The following GALNT13 variants were observed in gnomAD, a reference collection of about 807,000 sequenced individuals.
The protein encoded by GALNT13 is UDP-GalNAc:polypeptide N-acetylgalactosaminyltransferase 13.
Under a neutral mutation model 64.2 loss-of-function variants are expected in GALNT13, and 28 were observed. The observed-to-expected ratio is 0.44, with a 90% CI of 0.32 to 0.60. GALNT13 has a LOEUF of 0.60. GALNT13 is among the 20% of genes least tolerant of loss of function. The probability of loss-of-function intolerance (pLI) is 0.05; values close to 1 mark genes in which losing one functional copy is unlikely to be tolerated. For missense variants in GALNT13, 577 were observed against 669.8 expected (o/e 0.86, Z 1.53); for synonymous variants, 214 against 224.6 (o/e 0.95, Z 0.42).
chr2:153,876,498 TG>T (rs1446911544), intron 1 of GALNT13, among the ~76,000 whole-genome samples: 2 of 152,168 alleles, frequency 1.3e-5, no homozygotes, highest in Non-Finnish European at 1.5e-5. Flanking sequence ...GTCATCCGTT[TG>T]GGGCATTATA....
chr2:153,154,551 C>A, the GALNT13 span, among the ~76,000 whole-genome samples: 2 of 152,038 alleles, frequency 1.3e-5, no homozygotes, highest in African/African-American at 4.8e-5. Flanking sequence ...CTTGGCTTCA[C>A]TATTGTTGGT....
At chr2:154,160,821 C>T (rs1297252798) in intron 4 of GALNT13, among the ~76,000 whole-genome samples, 1 of 152,190 alleles carries the variant, frequency 6.6e-6, no homozygotes, top group African/African-American at 2.4e-5. Flanking sequence ...AATTCCCTTA[C>T]TTCATTGAAC....
the GALNT13 span, among the ~76,000 whole-genome samples, chr2:153,255,344 A>C: frequency 2.9e-5 from 4 of 137,350 alleles, no homozygotes; most frequent in Non-Finnish European, 6.2e-5. Context: ...CCATCCTTTT[A>C]TTTTGAGCCT....
At chr2:154,315,635 T>C (rs1489493976) in intron 9 of GALNT13, among the ~76,000 whole-genome samples, 1 of 152,204 alleles carries the variant, frequency 6.6e-6, no homozygotes, top group Non-Finnish European at 1.5e-5. Flanking sequence ...TAGGTACTAA[T>C]TGTATATTAA....
the GALNT13 span, among the ~76,000 whole-genome samples, chr2:153,433,447 G>A: frequency 1.3e-5 from 2 of 151,666 alleles, no homozygotes. Context: ...TCTTATCCTG[G>A]TGTCATTATT....
At chr2:154,441,113 C>T (rs1403217349) in intron 12 of GALNT13, among the ~76,000 whole-genome samples, 1 of 152,076 alleles carries the variant, frequency 6.6e-6, no homozygotes, top group Non-Finnish European at 1.5e-5. Flanking sequence ...CATTCATATA[C>T]ATATTTACAT....
At chr2:153,502,233 C>T in the GALNT13 span, among the ~76,000 whole-genome samples, 1 of 152,304 alleles carries the variant, frequency 6.6e-6, no homozygotes, top group South Asian at 2.1e-4. Context: ...TTTTATCCCT[C>T]ACCCAACTCC....
the GALNT13 span, among the ~76,000 whole-genome samples, chr2:153,223,733 G>T: frequency 6.6e-6 from 1 of 152,034 alleles, no homozygotes; most frequent in African/African-American, 2.4e-5. Flanking sequence ...CTGAAGCTGG[G>T]GGATCACTTG....
intron 11 of GALNT13, 117 bp from the exon 12 acceptor site, chr2:154,438,475 C>A (rs1444354174): frequency 3.1e-6 from 2 of 644,124 alleles, no homozygotes; most frequent in Admixed American, 3.0e-5. Flanking sequence ...AGATAACATA[C>A]CAGCAATCGT....
intron 9 of GALNT13, among the ~76,000 whole-genome samples, chr2:154,367,756 A>G (rs564059454): frequency 2.0e-5 from 3 of 152,300 alleles, no homozygotes; most frequent in Non-Finnish European, 4.4e-5. Flanking sequence ...CAATTTCTCT[A>G]TTGATAAAGA....
At chr2:153,797,441 C>T in the GALNT13 span, among the ~76,000 whole-genome samples, 1 of 152,162 alleles carries the variant, frequency 6.6e-6, no homozygotes, top group Non-Finnish European at 1.5e-5. Context: ...ATAACATTCA[C>T]TTTATATGGG....
At chr2:153,753,825 G>A in the GALNT13 span, among the ~76,000 whole-genome samples, 1 of 152,202 alleles carries the variant, frequency 6.6e-6, no homozygotes, top group South Asian at 2.1e-4. Flanking sequence ...GACCTAGGCA[G>A]GTTTAGAGGT....
chr2:154,306,142 T>TTTA lies in GALNT13; in HGVS notation c.1156+4574_1156+4576dup, dbSNP rs70983715. On this transcript the variant is annotated intron_variant, in intron 9 of 12. Transcript: ENST00000392825. ...TGAAGGGTCTTCCTCATAAATCTCTTTTATTATTATTATTATTATTATTTT... is the reference window on the plus strand; with the variant it reads ...TGAAGGGTCTTCCTCATAAATCTCTTTTATTATTATTATTATTATTATTATTTT... Among the ~76,000 whole-genome samples the TTTA allele has an allele frequency of 4.8e-3, 728 of 151,330 alleles. 3 individuals carry two copies. The highest frequency in any genetic ancestry group is 7.2e-3 in the Admixed American group (109 of 15,174).
At chr2:154,422,061 G>A (rs1351106748) in intron 11 of GALNT13, among the ~76,000 whole-genome samples, 1 of 152,056 alleles carries the variant, frequency 6.6e-6, no homozygotes, top group African/African-American at 2.4e-5. Flanking sequence ...GCCACAAATG[G>A]AATTGAAAGT....
chr2:153,503,602 G>T, the GALNT13 span, among the ~76,000 whole-genome samples: 26 of 151,884 alleles, frequency 1.7e-4, no homozygotes, highest in African/African-American at 4.1e-4. Context: ...CACCATACCC[G>T]GCTAATTTTT....
At chr2:153,444,460 A>C in the GALNT13 span, among the ~76,000 whole-genome samples, 4 of 152,216 alleles carry the variant, frequency 2.6e-5, no homozygotes, top group African/African-American at 9.6e-5. Flanking sequence ...AAGATTTACA[A>C]AGTGCACTAG....
chr2:153,927,420 A>G lies in GALNT13; in HGVS notation c.-104-16974A>G, dbSNP rs1690223090. 2.0e-5 allele frequency among the ~76,000 whole-genome samples: 3 copies of G among 152,074 alleles called. No homozygotes were observed. The South Asian group carries it at 6.2e-4, about 32-fold the overall frequency. On this transcript the variant is annotated intron_variant, in intron 2 of 12. Coordinates refer to ENST00000392825, the MANE Select transcript of GALNT13 (RefSeq NM_052917.4). ...TAATGGTAATCTCTGCTTACCTGTTATATCTCGCATTATATTTTTCCTTTT... is the reference window on the plus strand; with the variant it reads ...TAATGGTAATCTCTGCTTACCTGTTGTATCTCGCATTATATTTTTCCTTTT...
chr2:153,169,995 C>A, the GALNT13 span, among the ~76,000 whole-genome samples: 1 of 152,108 alleles, frequency 6.6e-6, no homozygotes, highest in Non-Finnish European at 1.5e-5. Flanking sequence ...ACCAACTAAT[C>A]TTCATGTTTA....
At chr2:154,151,527 G>T (rs998734232) in intron 4 of GALNT13, among the ~76,000 whole-genome samples, 4 of 152,078 alleles carry the variant, frequency 2.6e-5, no homozygotes, top group African/African-American at 9.7e-5. Flanking sequence ...GTTGACAGTG[G>T]GGTGTTAAAG....
Sources: allele counts gnomAD v4.1 joint callset (sites outside exome capture counted in the v4.1 genomes callset), GRCh38; gene constraint gnomAD v4.1.1; transcripts MANE v1.5; gene names NCBI Gene and HGNC (gene_info 2026-07-23, HGNC 2026-07-21).